Variants in PCDHA10 observed in about 807,000 individuals in gnomAD.
PCDHA10 encodes protocadherin alpha-10.
In PCDHA10, 45 loss-of-function variants were observed where a neutral mutation model predicts 61.2. The ratio of observed to expected loss-of-function variants is 0.74; its 90% CI spans 0.58 to 0.94. PCDHA10 has a LOEUF of 0.94. Ranked by LOEUF, PCDHA10 falls within the 40% of genes least tolerant of loss-of-function variation. The pLI, the probability that PCDHA10 is intolerant of heterozygous loss-of-function variation, is 0.00. For missense variants in PCDHA10, 1,278 were observed against 1,236.2 expected (o/e 1.03, Z -0.51); for synonymous variants, 602 against 548.8 (o/e 1.10, Z -1.35).
chr5:140,881,909 G>A (rs941994896), intron 1 of PCDHA10: 2 of 230,500 alleles, frequency 8.7e-6, no homozygotes, highest in Non-Finnish European at 1.7e-5. Context: ...AATATAAAAT[G>A]TTGAGCAGAA....
intron 1 of PCDHA10, among the ~76,000 whole-genome samples, chr5:140,952,415 C>T (rs138050953): frequency 7.9e-4 from 120 of 152,134 alleles, no homozygotes; most frequent in Admixed American, 1.6e-3. Context: ...TTTAATGTTC[C>T]GCAGATTCCT....
intron 1 of PCDHA10, chr5:140,966,328 C>T: frequency 5.1e-6 from 2 of 392,484 alleles, no homozygotes; most frequent in Non-Finnish European, 9.0e-6. Context: ...CGCTGGGATC[C>T]GGCAGGTCCA....
Position 140,929,454 on chromosome 5 carries a change from C to T in PCDHA10, c.2389-49495C>T, listed in dbSNP as rs2086172726. ...AACTAAACACTCCTTCTTAGCACTTCCTGTGCCAAGAAATCTGGAAGTATA... is the reference window on the plus strand; with the variant it reads ...AACTAAACACTCCTTCTTAGCACTTTCTGTGCCAAGAAATCTGGAAGTATA... On this transcript the variant is annotated intron_variant, in intron 1 of 3. Transcript: ENST00000307360. 7 of 1,355,724 alleles carry T rather than the reference C, an allele frequency of 5.2e-6. No individual in the cohort carries two copies. In the Admixed American group the frequency reaches 8.0e-5, roughly 16 times the overall value. The allele number at this position is 1,355,724 out of a possible 1,614,324, so 84.0% of individuals were successfully genotyped here. A position where few individuals can be genotyped will look rare whatever the true frequency, so the allele number is the denominator to read the frequency against.
intron 1 of PCDHA10, among the ~76,000 whole-genome samples, chr5:140,907,643 A>C (rs2073513749): frequency 6.6e-6 from 1 of 152,208 alleles, no homozygotes; most frequent in African/African-American, 2.4e-5. Flanking sequence ...GCTGCTGGCA[A>C]ATTGGGCACT....
chr5:140,980,085 T>C (rs1294414077), intron 2 of PCDHA10, among the ~76,000 whole-genome samples: 1 of 152,242 alleles, frequency 6.6e-6, no homozygotes, highest in Non-Finnish European at 1.5e-5. Context: ...AGATTAGTAG[T>C]TGGCTTGGTA....
chr5:140,872,373 T>C (rs1437548177), intron 1 of PCDHA10, among the ~76,000 whole-genome samples: 3 of 152,182 alleles, frequency 2.0e-5, no homozygotes, highest in African/African-American at 4.8e-5. Flanking sequence ...AGGCCTGTAA[T>C]CCCAGCTATT....
chr5:140,873,205 T>TTTTAAAAGTATTCTTAA (rs2054160501), intron 1 of PCDHA10, among the ~76,000 whole-genome samples: 1 of 152,206 alleles, frequency 6.6e-6, no homozygotes, highest in Non-Finnish European at 1.5e-5. Flanking sequence ...AAACATTCTT[T>TTTTAAAAGTATTCTTAA]AAGTATTAAA....
intron 1 of PCDHA10, among the ~76,000 whole-genome samples, chr5:140,889,584 CT>C (rs1192659128): frequency 1.3e-5 from 2 of 151,792 alleles, no homozygotes; most frequent in Non-Finnish European, 2.9e-5. Context: ...TTTGTTTTTG[CT>C]TTGAAATATT....
intron 1 of PCDHA10, among the ~76,000 whole-genome samples, chr5:140,941,215 C>CTTTCTTTCTTTCTTTCTT (rs2092888517): frequency 9.6e-6 from 1 of 104,510 alleles, no homozygotes; most frequent in East Asian, 2.4e-4. Flanking sequence ...TTCTTTCTTC[C>CTTTCTTTCTTTCTTTCTT]TTTCTTTCTT....
rs182063339 is a variant in PCDHA10 at position 140,937,439 on chromosome 5, T to C, written c.2389-41510T>C. Among the ~76,000 whole-genome samples, 830 of 152,312 alleles carry C rather than the reference T, an allele frequency of 5.4e-3. 3 individuals are homozygous for C. The highest frequency in any genetic ancestry group is 0.019 in the African/African-American group (799 of 41,586). Reference sequence around the variant, plus strand: ...TAGATAGCTGATATTTTAATGCTATTTTAAAAGTTTAATTTTATAATACAA... The same window carrying C: ...TAGATAGCTGATATTTTAATGCTATCTTAAAAGTTTAATTTTATAATACAA... On this transcript the variant is annotated intron_variant, in intron 1 of 3. Coordinates refer to ENST00000307360, the MANE Select transcript of PCDHA10 (RefSeq NM_018901.4).
rs182357788 is a variant in PCDHA10, at chr5:140,944,436, C to T, written c.2389-34513C>T. Among the ~76,000 whole-genome samples, 220 of 152,278 alleles carry T rather than the reference C, an allele frequency of 1.4e-3. 1 individual carries two copies. Among genetic ancestry groups the T allele is most frequent in the African/African-American group, 4.9e-3 (204 of 41,560 alleles). The stretch of plus-strand genomic sequence containing the variant: ...TCCTGATCTGAAGTGGTCTGCCTGC[C>T]TCGGCCTCCCAAAGTGCTGGGATTA... On this transcript the variant is annotated intron_variant, in intron 1 of 3. Coordinates refer to ENST00000307360, the MANE Select transcript of PCDHA10 (RefSeq NM_018901.4).
Position 141,009,722 on chromosome 5 carries a change from G to T in PCDHA10, c.2632G>T (p.Gly878Cys), listed in dbSNP as rs552954748. 6.8e-6 allele frequency: 11 copies of T among 1,614,022 alleles called. No individual in the cohort carries two copies. The highest frequency in any genetic ancestry group is 9.3e-6 in the Non-Finnish European group (11 of 1,180,046). Residue 878 changes from glycine (G) to cysteine (C), a missense_variant, in exon 4 of 4, where the codon GGT becomes TGT. Gly to Cys is a radical substitution (Grantham distance 159). Transcript: ENST00000307360. ...CGGACCAGGCAACCCCAAACAATCC[G>T]GTCCCGGTGAGTTGCCCGACAAATT... ...KYGPGNPKQS[G>C]PGELPDKFII...
chr5:140,945,560 C>T (rs1321626108), intron 1 of PCDHA10, among the ~76,000 whole-genome samples: 3 of 151,960 alleles, frequency 2.0e-5, no homozygotes, highest in Non-Finnish European at 2.9e-5. Context: ...AAGCTGAAGA[C>T]ATCATACTAC....
rs1193059751 is a variant in PCDHA10 at position 140,857,644 on chromosome 5, C to G, written c.1596C>G (p.Phe532Leu). ...LDHEELELLQ[F>L]QVSARDGGVP... ...ACGAGGAGCTGGAGCTGCTACAGTT[C>G]CAGGTGAGCGCGCGCGATGGGGGCG... Residue 532 changes from phenylalanine to leucine, a missense_variant, in exon 1 of 4, where the codon TTC becomes TTG. Coordinates refer to ENST00000307360, the MANE Select transcript of PCDHA10 (RefSeq NM_018901.4). 9 of 1,596,322 alleles carry G rather than the reference C, an allele frequency of 5.6e-6. 1 individual carries two copies. Among genetic ancestry groups the G allele is most frequent in the Non-Finnish European group, 7.7e-6 (9 of 1,167,662 alleles).
At chr5:140,868,420 A>C (rs1554161960) in intron 1 of PCDHA10, 1 of 152,238 alleles carries the variant, frequency 6.6e-6, no homozygotes, top group Non-Finnish European at 1.5e-5. Flanking sequence ...AAGCCCACAG[A>C]GATGAGAATA....
At position 140,857,263 on chromosome 5, in the gene PCDHA10, A is replaced by G. The variant is rs367883816; in HGVS notation, c.1215A>G (p.Ser405=). The change falls in exon 1 of 4, where the codon TCA becomes TCG. Residue 405 remains serine, a synonymous_variant. Coordinates refer to ENST00000307360, the MANE Select transcript of PCDHA10 (RefSeq NM_018901.4). ...KLVSTYKNYY[S]LVLDSALDRE... is the part of the protein sequence containing the mutation. The stretch of plus-strand genomic sequence containing the variant: ...TGTCCACCTACAAGAATTACTACTC[A>G]TTGGTGCTGGACAGCGCTCTGGACC... 5.0e-5 allele frequency: 80 copies of G among 1,598,534 alleles called. 2 individuals carry two copies. In the East Asian group the frequency reaches 1.3e-3, roughly 25 times the overall value.
intron 1 of PCDHA10, chr5:140,927,555 C>G: frequency 6.2e-7 from 1 of 1,614,176 alleles, no homozygotes. Context: ...AAGTCACCAT[C>G]ATTGTGGTGG....
intron 1 of PCDHA10, among the ~76,000 whole-genome samples, chr5:140,901,078 T>TAAA (rs1554189579): frequency 6.6e-6 from 1 of 152,120 alleles, no homozygotes; most frequent in East Asian, 1.9e-4. Flanking sequence ...TTCTATAGAG[T>TAAA]TGTTTGAGCT....
chr5:140,951,076 A>G (rs2094545866), intron 1 of PCDHA10, among the ~76,000 whole-genome samples: 1 of 151,566 alleles, frequency 6.6e-6, no homozygotes, highest in Non-Finnish European at 1.5e-5. Flanking sequence ...GCTTTCTTAT[A>G]TTTTCCTTTT....
Sources: gnomAD v4.1 joint callset for allele counts (sites outside exome capture counted in the v4.1 genomes callset) on GRCh38, gnomAD v4.1.1 for gene constraint, MANE v1.5 for transcripts, NCBI Gene and HGNC (gene_info 2026-07-23, HGNC 2026-07-21) for gene names.